The following KLHL23 variants were observed in gnomAD, a reference collection of about 807,000 sequenced individuals.
KLHL23 encodes the protein kelch like family member 23.
KLHL23 carries 33 observed loss-of-function variants against 48.9 expected under a neutral mutation model. The observed-to-expected ratio is 0.67, with a 90% CI of 0.51 to 0.90. The LOEUF is 0.90. KLHL23 is among the 40% of genes least tolerant of loss of function. The probability of loss-of-function intolerance (pLI) is 0.00; values close to 1 mark genes in which losing one functional copy is unlikely to be tolerated. For missense variants in KLHL23, 608 were observed against 669.6 expected, an observed-to-expected ratio of 0.91 and a Z score of 1.02; for synonymous variants, 234 against 231.6, an observed-to-expected ratio of 1.01 and a Z score of -0.09.
In KLHL23 at chr2:169,745,293, A is replaced by G. The variant is rs1283695682; in HGVS notation, c.1366+3756A>G. Among the ~76,000 whole-genome samples the G allele has an allele frequency of 2.0e-5, 3 of 151,876 alleles. No homozygotes were observed. In the East Asian group the frequency reaches 5.9e-4, roughly 30 times the overall value. ...TTTGGGAGGCCAAGGTGGGCGGATC[A>G]TGAGGTCAGGAGATCGAGACCATCC... is the stretch of plus-strand genomic sequence containing the variant. On this transcript the variant is annotated intron_variant, in intron 3 of 3. Coordinates refer to ENST00000392647, the MANE Select transcript of KLHL23 (RefSeq NM_144711.6).
At chr2:169,734,191 C>T (rs1334494886) in intron 1 of KLHL23, 104 bp downstream of exon 1, 1 of 146,270 alleles carries the variant, frequency 6.8e-6, no homozygotes, top group Admixed American at 6.8e-5. Context: ...CGGGCGCGGG[C>T]AGCGAGGCCG....
rs1322865156 is a variant in KLHL23 at position 169,735,397 on chromosome 2, G to A, written c.383G>A (p.Arg128Gln). 1.2e-6 allele frequency: 2 copies of A among 1,613,376 alleles called. No individual in the cohort carries two copies. Among genetic ancestry groups the A allele is most frequent in the Non-Finnish European group, 1.7e-6 (2 of 1,179,896 alleles). The change falls in exon 2 of 4, where the codon CGG becomes CAG. Residue 128 changes from arginine to glutamine, a missense_variant. Around this residue, in one of 3 missense-constraint regions of KLHL23, gnomAD observed 419 missense variants for 473.1 expected, o/e 0.89. Transcript: ENST00000392647. This position sits in a 1 kb window ranked among gnomAD's most constrained non-coding sequence, Gnocchi z 4.5. The part of the protein sequence containing the change: ...QFLSVKKACE[R>Q]FLVRHLDIDN... ...CTTTCAGTAAAGAAGGCTTGTGAGC[G>A]GTTTTTGGTAAGGCACTTGGATATT...
chr2:169,736,305 T>A, intron 2 of KLHL23, 78 bp downstream of exon 2: 1 of 1,504,988 alleles, frequency 6.6e-7, no homozygotes, highest in Non-Finnish European at 8.8e-7. Context: ...CTTGAATTTA[T>A]CACTTTGGGA....
chr2:169,751,425 A>G lies in KLHL23; in HGVS notation c.*1693A>G, dbSNP rs1688966464. ...TAAATAGATACAACCCTTTGGAAAC[A>G]CAATATGGTACTACATAGCAAGGGC... On this transcript the variant is annotated 3_prime_UTR_variant, in exon 4 of 4. Transcript: ENST00000392647. The G allele has an allele frequency of 6.6e-6, 1 of 152,242 alleles. No individual in the cohort carries two copies. Among genetic ancestry groups the G allele is most frequent in the Non-Finnish European group, 1.5e-5 (1 of 68,038 alleles). 9.4% of individuals were successfully genotyped at this position (152,242 alleles called of 1,614,324 possible). A position where few individuals can be genotyped will look rare whatever the true frequency, so the allele number is the denominator to read the frequency against.
intron 3 of KLHL23, among the ~76,000 whole-genome samples, chr2:169,747,901 G>C (rs1049573360): frequency 6.6e-6 from 1 of 152,058 alleles, no homozygotes; most frequent in African/African-American, 2.4e-5. Flanking sequence ...GGCAGAGGAG[G>C]ATCTCTTGAG....
chr2:169,737,263 T>C lies in KLHL23; in HGVS notation c.1213+1036T>C, dbSNP rs188603256. On this transcript the variant is annotated intron_variant, in intron 2 of 3. Coordinates refer to ENST00000392647, the MANE Select transcript of KLHL23 (RefSeq NM_144711.6). The stretch of plus-strand genomic sequence containing the variant: ...AGTGTCTGACACAGAGTAAGCATGC[T>C]ATAAATGTTACGCATGATTGTCCTG... 2.6e-5 allele frequency among the ~76,000 whole-genome samples: 4 copies of C among 152,372 alleles called. No individual in the cohort carries two copies. The East Asian group carries it at 7.7e-4, about 29-fold the overall frequency.
chr2:169,748,295 T>C (rs911033021), intron 3 of KLHL23, among the ~76,000 whole-genome samples: 1 of 152,200 alleles, frequency 6.6e-6, no homozygotes, highest in Non-Finnish European at 1.5e-5. Flanking sequence ...AGGACGCAGC[T>C]GTGCAGAGAC....
In KLHL23 at chr2:169,736,021, T is replaced by A; in HGVS notation, c.1007T>A (p.Leu336His). Residue 336 changes from leucine to histidine, a missense_variant, in exon 2 of 4, where the codon CTT becomes CAT. Around this residue, in one of 3 missense-constraint regions of KLHL23, gnomAD observed 419 missense variants for 473.1 expected, o/e 0.89. Transcript: ENST00000392647. ...TACAGGACGGATAACATAGAAGCTC[T>A]TGACACAGTGTGGATCTATAACAGT... ...GGYRTDNIEA[L>H]DTVWIYNSES... 1 of 1,614,208 alleles carries A rather than the reference T, an allele frequency of 6.2e-7. No individual in the cohort carries two copies. The highest frequency in any genetic ancestry group is 1.1e-5 in the South Asian group (1 of 91,086).
chr2:169,741,334 C>CA, intron 2 of KLHL23, 51 bp from the exon 3 acceptor site: 2 of 1,555,844 alleles, frequency 1.3e-6, no homozygotes, highest in Non-Finnish European at 8.7e-7. Context: ...GGGTTCACTG[C>CA]AAAAAAGAAC....
chr2:169,749,764 TTTTTGG>T lies in KLHL23; in HGVS notation c.*33_*38del. 6.4e-7 allele frequency: 1 copy of T among 1,553,796 alleles called. No homozygotes were observed. The highest frequency in any genetic ancestry group is 2.3e-5 in the East Asian group (1 of 44,106). ...CTGCAGAAATGACCAAGCAATCACTTTTTTGGAGTATAGTTTTATAAAAAAAGAATG... is the reference window on the plus strand; with the variant it reads ...CTGCAGAAATGACCAAGCAATCACTTAGTATAGTTTTATAAAAAAAGAATG... On this transcript the variant is annotated 3_prime_UTR_variant, in exon 4 of 4. Coordinates refer to ENST00000392647, the MANE Select transcript of KLHL23 (RefSeq NM_144711.6).
intron 2 of KLHL23, among the ~76,000 whole-genome samples, chr2:169,740,791 T>TATATA (rs1291405019): frequency 1.4e-5 from 2 of 140,234 alleles, no homozygotes; most frequent in African/African-American, 5.5e-5. Flanking sequence ...TATATATATA[T>TATATA]AACTTATTTA....
At chr2:169,737,668 G>T (rs1688551517) in intron 2 of KLHL23, among the ~76,000 whole-genome samples, 1 of 148,952 alleles carries the variant, frequency 6.7e-6, no homozygotes, top group Non-Finnish European at 1.5e-5. Flanking sequence ...AGGCTGGAAT[G>T]CAGTGGCGTG....
Position 169,750,043 on chromosome 2 carries a change from A to ATGTATGTATACATATATGTGTATATATGC in KLHL23, c.*311_*312insTGTATGTATACATATATGTGTATATATGC, listed in dbSNP as rs11444477. The ATGTATGTATACATATATGTGTATATATGC allele has an allele frequency of 4.7e-5, 1 of 21,342 alleles. No individual in the cohort carries two copies. Among genetic ancestry groups the ATGTATGTATACATATATGTGTATATATGC allele is most frequent in the Admixed American group, 5.2e-4 (1 of 1,928 alleles). The allele number at this position is 21,342 out of a possible 1,614,324, so 1.3% of individuals were successfully genotyped here. A position where few individuals can be genotyped will look rare whatever the true frequency, so the allele number is the denominator to read the frequency against. ...TGTATGTATACATATGTGTATATAT[A>ATGTATGTATACATATATGTGTATATATGC]GTATGTATGTATACATGTATGTGTA... On this transcript the variant is annotated 3_prime_UTR_variant, in exon 4 of 4. Coordinates refer to ENST00000392647, the MANE Select transcript of KLHL23 (RefSeq NM_144711.6).
rs780887347 is a variant in KLHL23, at chr2:169,736,123, G to A, written c.1109G>A (p.Cys370Tyr). ...YYHCAVTLGGCVYALGGYRKG... is the reference protein window; with the variant it reads ...YYHCAVTLGGYVYALGGYRKG... ...CACTGTGCAGTCACCTTGGGTGGCT[G>A]TGTCTATGCTTTAGGTGGTTACAGA... Residue 370 changes from cysteine to tyrosine, a missense_variant, in exon 2 of 4, where the codon TGT (cysteine) becomes TAT (tyrosine). Physicochemically the swap from Cys to Tyr is radical, Grantham distance 194. Around this residue, in one of 3 missense-constraint regions of KLHL23, gnomAD observed 419 missense variants for 473.1 expected, o/e 0.89. Coordinates refer to ENST00000392647, the MANE Select transcript of KLHL23 (RefSeq NM_144711.6). 6.2e-7 allele frequency: 1 copy of A among 1,614,182 alleles called. No individual in the cohort carries two copies.
intron 3 of KLHL23, among the ~76,000 whole-genome samples, chr2:169,745,719 A>G (rs551891360): frequency 5.9e-5 from 9 of 152,246 alleles, no homozygotes; most frequent in Admixed American, 5.9e-4. Context: ...CTGACAGCAT[A>G]CAGGAGATGA....
rs1309413055 is a variant in KLHL23 at position 169,747,400 on chromosome 2, A to AAAAAAC, written c.1367-2017_1367-2016insCAAAAA. Among the ~76,000 whole-genome samples, 243 of 150,448 alleles carry AAAAAAC rather than the reference A, an allele frequency of 1.6e-3. 2 individuals are homozygous for AAAAAAC. The highest frequency in any genetic ancestry group is 5.6e-3 in the African/African-American group (229 of 41,058). On this transcript the variant is annotated intron_variant, in intron 3 of 3. Coordinates refer to ENST00000392647, the MANE Select transcript of KLHL23 (RefSeq NM_144711.6). ...CGAGACTCTGTCTCTAAAAAAAAAA[A>AAAAAAC]AAAAAAAACTGAGGGAGAACTTTAC...
chr2:169,735,901 C>T lies in KLHL23; in HGVS notation c.887C>T (p.Thr296Ile). Residue 296 changes from threonine (T) to isoleucine (I), a missense_variant, in exon 2 of 4, where the codon ACA becomes ATA. Thr to Ile is a moderately conservative substitution (Grantham distance 89). Coordinates refer to ENST00000392647, the MANE Select transcript of KLHL23 (RefSeq NM_144711.6). This position sits in a 1 kb window ranked among gnomAD's most constrained non-coding sequence, Gnocchi z 4.5. Reference protein sequence around the residue: ...LSEVHIWDPLTNVWIQGAEIP... With the variant: ...LSEVHIWDPLINVWIQGAEIP... ...GAGGTTCACATATGGGATCCTTTGA[C>T]AAATGTTTGGATTCAGGGAGCAGAA... 6.2e-7 allele frequency: 1 copy of T among 1,614,104 alleles called. No individual in the cohort carries two copies. Among genetic ancestry groups the T allele is most frequent in the Non-Finnish European group, 8.5e-7 (1 of 1,180,042 alleles).
rs1553477017 is a variant in KLHL23, at chr2:169,740,766, T to TAATATA, written c.1214-619_1214-618insAATATA. Among the ~76,000 whole-genome samples the TAATATA allele has an allele frequency of 1.1e-3, 133 of 125,510 alleles. 2 individuals carry two copies. Among genetic ancestry groups the TAATATA allele is most frequent in the African/African-American group, 2.3e-3 (77 of 33,034 alleles). 82.3% of individuals were successfully genotyped at this position (125,510 alleles called of 152,430 possible). ...CCCGGCCTCTATAAGCTTTTTTATA[T>TAATATA]TATATATATATATATATATATATAT... is the stretch of plus-strand genomic sequence containing the variant. On this transcript the variant is annotated intron_variant, in intron 2 of 3. Coordinates refer to ENST00000392647, the MANE Select transcript of KLHL23 (RefSeq NM_144711.6).
rs1558952515 is a variant in KLHL23, at chr2:169,750,046, A to ATGTATACATATATGTGTATATACGTG, written c.*319_*320insACATATATGTGTATATACGTGTGTAT. On this transcript the variant is annotated 3_prime_UTR_variant, in exon 4 of 4. Transcript: ENST00000392647. ...ATGTATACATATGTGTATATATAGTATGTATGTATACATGTATGTGTATAT... is the reference window on the plus strand; with the variant it reads ...ATGTATACATATGTGTATATATAGTATGTATACATATATGTGTATATACGTGTGTATGTATACATGTATGTGTATAT... 1 of 9,270 alleles carries ATGTATACATATATGTGTATATACGTG rather than the reference A, an allele frequency of 1.1e-4. No homozygotes were observed. Among genetic ancestry groups the ATGTATACATATATGTGTATATACGTG allele is most frequent in the African/African-American group, 1.8e-4 (1 of 5,646 alleles). 0.6% of individuals were successfully genotyped at this position (9,270 alleles called of 1,614,324 possible).
Sources: allele counts gnomAD v4.1 joint callset (sites outside exome capture counted in the v4.1 genomes callset), GRCh38; gene constraint gnomAD v4.1.1; regional missense constraint gnomAD v4.1.1; non-coding constraint Gnocchi (gnomAD v3.1); transcripts MANE v1.5; gene names NCBI Gene and HGNC (gene_info 2026-07-23, HGNC 2026-07-21).